The following SLC39A12 variants were observed in gnomAD, a reference collection of about 807,000 sequenced individuals.
SLC39A12 encodes solute carrier family 39 member 12.
In SLC39A12, 63 loss-of-function variants were observed where a neutral mutation model predicts 71.1. That is an observed-to-expected ratio of 0.89 (90% confidence interval 0.72 to 1.09). The LOEUF is 1.09. SLC39A12 is among the 50% of genes least tolerant of loss of function. The pLI is 0.00. For missense variants in SLC39A12, 892 were observed against 812.6 expected, an observed-to-expected ratio of 1.10 and a Z score of -1.19; for synonymous variants, 351 against 301.3, an observed-to-expected ratio of 1.16 and a Z score of -1.71.
intron 10 of SLC39A12, among the ~76,000 whole-genome samples, chr10:17,999,311 A>AAG (rs1271730557): frequency 1.3e-5 from 2 of 151,214 alleles, no homozygotes; most frequent in African/African-American, 2.4e-5. Context: ...AAAAAAAAAA[A>AAG]AAAAAAAGGA....
chr10:18,000,616 A>C, intron 10 of SLC39A12, 51 bp from the exon 11 acceptor site: 1 of 1,573,002 alleles, frequency 6.4e-7, no homozygotes, highest in Non-Finnish European at 8.7e-7. Context: ...GGATTTGGTG[A>C]AATATGTAGT....
At chr10:17,966,155 A>G (rs1834820596) in intron 4 of SLC39A12, among the ~76,000 whole-genome samples, 1 of 152,218 alleles carries the variant, frequency 6.6e-6, no homozygotes, top group African/African-American at 2.4e-5. Flanking sequence ...ATTCCTGACT[A>G]CCTTACCTGC....
Position 18,033,436 on chromosome 10 carries a change from G to T in SLC39A12, c.1948-9269G>T, listed in dbSNP as rs952719746. 6.0e-5 allele frequency among the ~76,000 whole-genome samples: 9 copies of T among 151,250 alleles called. No individual in the cohort carries two copies. In the Admixed American group the frequency reaches 6.0e-4, roughly 10 times the overall value. On this transcript the variant is annotated intron_variant, in intron 12 of 12. Coordinates refer to ENST00000377369, the MANE Select transcript of SLC39A12 (RefSeq NM_001145195.2). ...CTTCTAGATTTTCTAGTTTATTTGC[G>T]TAGAGGTGTTTGTAGTATCCTCTGA...
At chr10:17,978,129 C>G (rs567609883) in intron 5 of SLC39A12, 55 bp downstream of exon 5, 4 of 1,412,270 alleles carry the variant, frequency 2.8e-6, no homozygotes, top group Non-Finnish European at 3.8e-6. Flanking sequence ...GGAAGCCCAG[C>G]TGTGAAAGTT....
At chr10:18,022,445 T>C (rs539569610) in intron 12 of SLC39A12, among the ~76,000 whole-genome samples, 1 of 152,324 alleles carries the variant, frequency 6.6e-6, no homozygotes, top group East Asian at 1.9e-4. Flanking sequence ...GATTGTGTTA[T>C]GAAATTTATA....
intron 6 of SLC39A12, among the ~76,000 whole-genome samples, chr10:17,982,778 A>G (rs1249689405): frequency 6.6e-6 from 1 of 152,102 alleles, no homozygotes; most frequent in African/African-American, 2.4e-5. Flanking sequence ...GGCCGCTCGG[A>G]AAAGGGTTTT....
chr10:18,037,664 A>G (rs1301217769), intron 12 of SLC39A12, among the ~76,000 whole-genome samples: 1 of 152,204 alleles, frequency 6.6e-6, no homozygotes. Context: ...CAAATAAAAT[A>G]AGCATTGCAT....
At chr10:18,028,810 C>G (rs2130887246) in intron 12 of SLC39A12, among the ~76,000 whole-genome samples, 1 of 152,170 alleles carries the variant, frequency 6.6e-6, no homozygotes, top group East Asian at 1.9e-4. Context: ...ACCTCTGCCT[C>G]CCAGGTTCAA....
intron 11 of SLC39A12, 146 bp from the exon 12 acceptor site, chr10:18,003,025 G>A (rs545783426): frequency 9.7e-4 from 622 of 644,494 alleles, no homozygotes; most frequent in Non-Finnish European, 1.4e-3. Context: ...GAGAAATATA[G>A]GAAAGCATTT....
intron 12 of SLC39A12, among the ~76,000 whole-genome samples, chr10:18,042,463 G>GA (rs551298382): frequency 0.54 from 62,613 of 115,010 alleles, 17,100 homozygotes; most frequent in African/African-American, 0.66. Context: ...TGCCTCAAAA[G>GA]AAAAAAAAAA....
At chr10:18,035,971 G>T (rs1169110879) in intron 12 of SLC39A12, among the ~76,000 whole-genome samples, 1 of 152,164 alleles carries the variant, frequency 6.6e-6, no homozygotes, top group African/African-American at 2.4e-5. Context: ...GGGGTCAGGG[G>T]TCAGGGACCC....
chr10:17,988,242 A>G (rs1385823087), intron 7 of SLC39A12, among the ~76,000 whole-genome samples: 1 of 152,216 alleles, frequency 6.6e-6, no homozygotes, highest in Non-Finnish European at 1.5e-5. Flanking sequence ...CGAGAGGCGA[A>G]GGTTGCAGTG....
chr10:18,016,442 T>G (rs772503121), intron 12 of SLC39A12, among the ~76,000 whole-genome samples: 3 of 152,240 alleles, frequency 2.0e-5, no homozygotes, highest in East Asian at 1.9e-4. Context: ...ATTTACCTAC[T>G]GCAGTACATC....
chr10:18,014,949 T>C (rs776645047), intron 12 of SLC39A12, among the ~76,000 whole-genome samples: 12 of 152,158 alleles, frequency 7.9e-5, no homozygotes, highest in Non-Finnish European at 1.5e-4. Flanking sequence ...AAAAGTAGTG[T>C]GATTGACTTC....
chr10:18,037,638 A>T (rs1308941145), intron 12 of SLC39A12, among the ~76,000 whole-genome samples: 3 of 152,204 alleles, frequency 2.0e-5, no homozygotes, highest in Non-Finnish European at 4.4e-5. Context: ...CGTGATAAAT[A>T]GATGTAAATG....
At chr10:17,959,255 G>T (rs1834626780) in intron 2 of SLC39A12, among the ~76,000 whole-genome samples, 1 of 152,104 alleles carries the variant, frequency 6.6e-6, no homozygotes, top group African/African-American at 2.4e-5. Flanking sequence ...AAACAGAAAA[G>T]GGATGCTGAG....
chr10:18,029,502 T>A (rs543077093), intron 12 of SLC39A12, among the ~76,000 whole-genome samples: 1 of 152,346 alleles, frequency 6.6e-6, no homozygotes, highest in East Asian at 1.9e-4. Context: ...AAAAAGGAAG[T>A]TACTTCTCTA....
chr10:18,017,229 C>G (rs546022948), intron 12 of SLC39A12, among the ~76,000 whole-genome samples: 1 of 152,118 alleles, frequency 6.6e-6, no homozygotes, highest in East Asian at 1.9e-4. Flanking sequence ...CCTAAGGTCA[C>G]CTAGATTTCT....
At chr10:18,032,894 T>A (rs1280034036) in intron 12 of SLC39A12, among the ~76,000 whole-genome samples, 1 of 125,864 alleles carries the variant, frequency 7.9e-6, no homozygotes, top group Non-Finnish European at 1.7e-5. Flanking sequence ...TTTTTCTGCA[T>A]CTATTGAGAT....
Sources: gnomAD v4.1 joint callset for allele counts (sites outside exome capture counted in the v4.1 genomes callset) on GRCh38, gnomAD v4.1.1 for gene constraint, MANE v1.5 for transcripts, NCBI Gene and HGNC (gene_info 2026-07-23, HGNC 2026-07-21) for gene names.